Variants in ATRN observed in about 807,000 individuals in gnomAD.
The protein encoded by ATRN is attractin.
Under a neutral mutation model 178.7 loss-of-function variants are expected in ATRN, and 54 were observed. That is an observed-to-expected ratio of 0.30 (90% CI 0.24 to 0.38). The LOEUF is 0.38. Among genes scored for constraint, ATRN ranks in the 10% least tolerant of loss-of-function variants. ATRN has a pLI of 1.00. For missense variants in ATRN, 1,443 were observed against 1,815.1 expected (o/e 0.79, Z 3.73); for synonymous variants, 636 against 663.0 (o/e 0.96, Z 0.63).
rs539257410 is a variant in ATRN at position 3,557,102 on chromosome 20, C to T, written c.1113-2291C>T. Reference sequence around the variant, plus strand: ...GTAGTTGGAAGCTATATGAGTCCTTCTCAGGAAACACCTTTCATAGCCAGA... The same window carrying T: ...GTAGTTGGAAGCTATATGAGTCCTTTTCAGGAAACACCTTTCATAGCCAGA... On this transcript the variant is annotated intron_variant, in intron 6 of 28. Transcript: ENST00000262919. Among the ~76,000 whole-genome samples, 11 of 152,310 alleles carry T rather than the reference C, an allele frequency of 7.2e-5. No individual in the cohort carries two copies. The South Asian group carries it at 2.3e-3, about 32-fold the overall frequency.
chr20:3,494,139 A>C (rs1321106251), intron 1 of ATRN, among the ~76,000 whole-genome samples: 1 of 152,194 alleles, frequency 6.6e-6, no homozygotes. Flanking sequence ...ATTTGAAGTG[A>C]GATCTGAAAG....
chr20:3,546,884 T>C (rs73072738), intron 4 of ATRN, among the ~76,000 whole-genome samples: 23,621 of 152,176 alleles, frequency 0.16, 2,200 homozygotes, highest in Non-Finnish European at 0.21. Flanking sequence ...GTTTGTTTTA[T>C]TCTTTTCCTT....
In ATRN at chr20:3,608,354, C is replaced by A. The variant is rs572765922; in HGVS notation, c.3801+4092C>A. ...TATGGTTTTAGGTCTTATACTTAAGCCTTTAATCCATTTAAATTTGATTTT... is the reference window on the plus strand; with the variant it reads ...TATGGTTTTAGGTCTTATACTTAAGACTTTAATCCATTTAAATTTGATTTT... On this transcript the variant is annotated intron_variant, in intron 24 of 28. Coordinates refer to ENST00000262919, the MANE Select transcript of ATRN (RefSeq NM_139321.3). Among the ~76,000 whole-genome samples, 6 of 152,226 alleles carry A rather than the reference C, an allele frequency of 3.9e-5. No homozygotes were observed. The South Asian group carries it at 6.2e-4, about 16-fold the overall frequency.
Position 3,540,214 on chromosome 20 carries a change from C to T in ATRN, c.495-8C>T, listed in dbSNP as rs376960261. The T allele has an allele frequency of 6.0e-6, 9 of 1,508,170 alleles. No homozygotes were observed. The highest frequency in any genetic ancestry group is 2.3e-5 in the East Asian group (1 of 43,388). The allele number at this position is 1,508,170 out of a possible 1,614,324, so 93.4% of individuals were successfully genotyped here. A position where few individuals can be genotyped will look rare whatever the true frequency, so the allele number is the denominator to read the frequency against. ...TTTATTATAAATTACTTTTTTTATT[C>T]TTTTCAGGCCAAATAGAATAATGAG... On this transcript the variant is annotated splice_polypyrimidine_tract_variant and splice_region_variant and intron_variant, in intron 2 of 28. Coordinates refer to ENST00000262919, the MANE Select transcript of ATRN (RefSeq NM_139321.3).
chr20:3,481,146 C>T (rs1236846396), intron 1 of ATRN, among the ~76,000 whole-genome samples: 1 of 151,966 alleles, frequency 6.6e-6, no homozygotes, highest in Non-Finnish European at 1.5e-5. Flanking sequence ...TCTTTCTATA[C>T]TTCAAACTGC....
intron 1 of ATRN, among the ~76,000 whole-genome samples, chr20:3,479,909 C>G (rs1255041870): frequency 1.3e-5 from 2 of 152,178 alleles, no homozygotes; most frequent in African/African-American, 4.8e-5. Flanking sequence ...AGTGGATGAA[C>G]GAGTATGACA....
At chr20:3,480,040 G>A (rs117653373) in intron 1 of ATRN, among the ~76,000 whole-genome samples, 2 of 152,312 alleles carry the variant, frequency 1.3e-5, no homozygotes, top group East Asian at 3.9e-4. Context: ...CACAGCACCT[G>A]GAGAACTGAA....
Position 3,582,168 on chromosome 20 carries a change from C to T in ATRN, c.2578C>T (p.Arg860Trp), listed in dbSNP as rs760626693. 4.3e-6 allele frequency: 7 copies of T among 1,614,152 alleles called. No homozygotes were observed. Among genetic ancestry groups the T allele is most frequent in the South Asian group, 1.1e-5 (1 of 91,082 alleles). Residue 860 changes from arginine to tryptophan, a missense_variant, in exon 16 of 29, where the codon CGG becomes TGG. Arg to Trp is a moderately radical substitution (Grantham distance 101). This residue lies in a region of ATRN where 212 missense variants were observed against 330.7 expected (regional missense o/e 0.64). Transcript: ENST00000262919. Reference protein sequence around the residue: ...KLTLTPWVGLRKINVSYWCWE... With the variant: ...KLTLTPWVGLWKINVSYWCWE... ...CACCTTAACCCCATGGGTCGGCCTT[C>T]GGAAGATCAATGTGTCCTACTGGTG...
At chr20:3,609,014 G>T (rs1219159241) in intron 24 of ATRN, among the ~76,000 whole-genome samples, 1 of 151,886 alleles carries the variant, frequency 6.6e-6, no homozygotes, top group Non-Finnish European at 1.5e-5. Flanking sequence ...GCTATTTGAG[G>T]TCTTCTGTGG....
Position 3,645,672 on chromosome 20 carries a change from G to A in ATRN, c.4166-1051G>A, listed in dbSNP as rs1413581720. The stretch of plus-strand genomic sequence containing the variant: ...TGGGGCCGTCCTTGCTGCCCCTTCT[G>A]TACCCCCTGTTTTAAGTGGTGCCCT... On this transcript the variant is annotated intron_variant, in intron 28 of 28. Transcript: ENST00000262919. The surrounding 1 kb of genome is among the most constrained non-coding windows in gnomAD (Gnocchi z 4.7). Among the ~76,000 whole-genome samples the A allele has an allele frequency of 2.0e-5, 3 of 148,520 alleles. No homozygotes were observed. Among genetic ancestry groups the A allele is most frequent in the African/African-American group, 7.3e-5 (3 of 41,206 alleles).
chr20:3,500,991 G>A (rs2084956272), intron 1 of ATRN, among the ~76,000 whole-genome samples: 1 of 152,022 alleles, frequency 6.6e-6, no homozygotes. Context: ...TGAAGCACAT[G>A]ATCTTTCAAA....
Position 3,646,830 on chromosome 20 carries a change from C to G in ATRN, c.4273C>G (p.Pro1425Ala), listed in dbSNP as rs776457861. 2 of 1,613,144 alleles carry G rather than the reference C, an allele frequency of 1.2e-6. No individual in the cohort carries two copies. The highest frequency in any genetic ancestry group is 3.3e-5 in the Admixed American group (2 of 59,912). Residue 1425 changes from proline to alanine, a missense_variant, in exon 29 of 29, where the codon CCT (proline) becomes GCT (alanine). Coordinates refer to ENST00000262919, the MANE Select transcript of ATRN (RefSeq NM_139321.3). Reference protein sequence around the residue: ...RNRKQQPPAQPGTCI With the variant: ...RNRKQQPPAQAGTCI The stretch of plus-strand genomic sequence containing the variant: ...CCGGAAGCAGCAGCCCCCTGCACAG[C>G]CTGGGACCTGCATCTGATGCTGGGG...
chr20:3,497,568 G>A (rs943286762), intron 1 of ATRN, among the ~76,000 whole-genome samples: 238 of 152,166 alleles, frequency 1.6e-3, no homozygotes, highest in African/African-American at 5.2e-3. Flanking sequence ...TGGGTAACCC[G>A]ACCTTTCTCT....
At chr20:3,514,189 A>G (rs915591911) in intron 1 of ATRN, among the ~76,000 whole-genome samples, 1 of 152,168 alleles carries the variant, frequency 6.6e-6, no homozygotes, top group African/African-American at 2.4e-5. Context: ...GACTATTCCA[A>G]TACATTGAAA....
At position 3,650,718 on chromosome 20, in the gene ATRN, G is replaced by T. The variant is rs551310184; in HGVS notation, c.*3871G>T. On this transcript the variant is annotated 3_prime_UTR_variant, in exon 29 of 29. Transcript: ENST00000262919. ...GTAATGGAATTGATTTTCAGTAACT[G>T]AATTTGTGCACAAAACATTCTAAAC... 6.6e-6 allele frequency: 1 copy of T among 152,648 alleles called. No individual in the cohort carries two copies. The highest frequency in any genetic ancestry group is 2.1e-4 in the South Asian group (1 of 4,834). 9.5% of individuals were successfully genotyped at this position (152,648 alleles called of 1,614,324 possible).
chr20:3,619,169 AG>A (rs1438537750), intron 24 of ATRN, among the ~76,000 whole-genome samples: 2 of 152,196 alleles, frequency 1.3e-5, no homozygotes, highest in East Asian at 3.8e-4. Flanking sequence ...TTCACCTCAC[AG>A]GGTGGCCAGC....
At position 3,648,850 on chromosome 20, in the gene ATRN, G is replaced by A. The variant is rs2087125943; in HGVS notation, c.*2003G>A. On this transcript the variant is annotated 3_prime_UTR_variant, in exon 29 of 29. Coordinates refer to ENST00000262919, the MANE Select transcript of ATRN (RefSeq NM_139321.3). ...TAATTCCCACAGGCCCCCCCAGCAAGGCCAAAGGGAGGCCCCTGGGTATTG... is the reference window on the plus strand; with the variant it reads ...TAATTCCCACAGGCCCCCCCAGCAAAGCCAAAGGGAGGCCCCTGGGTATTG... The A allele has an allele frequency of 6.6e-6, 1 of 152,104 alleles. No homozygotes were observed. The highest frequency in any genetic ancestry group is 1.5e-5 in the Non-Finnish European group (1 of 68,030). The allele number at this position is 152,104 out of a possible 1,614,324, so 9.4% of individuals were successfully genotyped here. A position where few individuals can be genotyped will look rare whatever the true frequency, so the allele number is the denominator to read the frequency against.
Position 3,578,714 on chromosome 20 carries a change from A to C in ATRN, c.2486A>C (p.Gln829Pro). 1.9e-6 allele frequency: 3 copies of C among 1,614,160 alleles called. No individual in the cohort carries two copies. In the East Asian group the frequency reaches 6.7e-5, roughly 36 times the overall value. The change falls in exon 15 of 29, where the codon CAG becomes CCG. Residue 829 changes from glutamine (Q) to proline (P), a missense_variant. Coordinates refer to ENST00000262919, the MANE Select transcript of ATRN (RefSeq NM_139321.3). ...HNALLASLTTQKKVEFVLKQL... is the reference protein window; with the variant it reads ...HNALLASLTTPKKVEFVLKQL... The stretch of plus-strand genomic sequence containing the variant: ...GCCCTTTTGGCTTCTCTTACAACCC[A>C]GAAGAAGGTAGAATTTGTCCTTAAG...
At chr20:3,479,137 C>T (rs77193475) in intron 1 of ATRN, among the ~76,000 whole-genome samples, 2,048 of 152,158 alleles carry the variant, frequency 0.013, 37 homozygotes, top group African/African-American at 0.043. Flanking sequence ...GAGATCATCT[C>T]GTCTTGACCT....
Sources: gnomAD v4.1 joint callset for allele counts (sites outside exome capture counted in the v4.1 genomes callset) on GRCh38, gnomAD v4.1.1 for gene constraint, gnomAD v4.1.1 regional missense constraint, Gnocchi (gnomAD v3.1) non-coding constraint, MANE v1.5 for transcripts, NCBI Gene and HGNC (gene_info 2026-07-23, HGNC 2026-07-21) for gene names.